POU2F2: variants seen among roughly 807,000 people sequenced by gnomAD.
POU2F2 encodes POU domain, class 2, transcription factor 2.
Under a neutral mutation model 63.5 loss-of-function variants are expected in POU2F2, and 14 were observed. The ratio of observed to expected loss-of-function variants is 0.22; its 90% confidence interval spans 0.15 to 0.34. The LOEUF is 0.34. Ranked by LOEUF, POU2F2 falls within the 10% of genes least tolerant of loss-of-function variation. The pLI is 1.00. For synonymous variants in POU2F2, 306 were observed against 348.6 expected (o/e 0.88, Z 1.36); for missense variants, 607 against 815.2 (o/e 0.74, Z 3.11).
chr19:42,089,124 C>A lies in POU2F2; in HGVS notation c.*2133G>T, dbSNP rs73932872. The A allele has an allele frequency of 6.5e-6, 1 of 152,694 alleles. No individual in the cohort carries two copies. Among genetic ancestry groups the A allele is most frequent in the African/African-American group, 2.4e-5 (1 of 41,462 alleles). The allele number at this position is 152,694 out of a possible 1,614,324, so 9.5% of individuals were successfully genotyped here. ...GGGGCCACACTACGGCTGTCAGGCC[C>A]CACCCTGATTTCAATGGCTCGTGTC... On this transcript the variant is annotated 3_prime_UTR_variant, in exon 15 of 15. Coordinates refer to ENST00000692977, the MANE Select transcript of POU2F2 (RefSeq NM_001394376.1).
chr19:42,114,012 A>G (rs951939472), intron 5 of POU2F2, among the ~76,000 whole-genome samples: 1 of 152,192 alleles, frequency 6.6e-6, no homozygotes, highest in African/African-American at 2.4e-5. Context: ...AACTTGGCCC[A>G]GCTTTGCACT....
At chr19:42,195,337 T>A (rs1399967167) in intron 1 of POU2F2, among the ~76,000 whole-genome samples, 3 of 143,058 alleles carry the variant, frequency 2.1e-5, no homozygotes, top group African/African-American at 7.8e-5. Context: ...TTTCTTTTTT[T>A]TTTTTTTTTT....
intron 1 of POU2F2, among the ~76,000 whole-genome samples, chr19:42,175,080 T>G (rs1032981207): frequency 3.9e-5 from 6 of 152,110 alleles, no homozygotes; most frequent in Non-Finnish European, 7.4e-5. Context: ...TCCATGTCAT[T>G]TTCTTCTCTG....
At chr19:42,106,460 C>T (rs2030022787) in intron 5 of POU2F2, among the ~76,000 whole-genome samples, 2 of 152,264 alleles carry the variant, frequency 1.3e-5, no homozygotes, top group Non-Finnish European at 2.9e-5. Context: ...TAGTCATCAT[C>T]ACTAGGGACT....
In POU2F2 at chr19:42,158,795, C is replaced by T. The variant is rs148581458; in HGVS notation, c.-9+1537G>A. Among the ~76,000 whole-genome samples, 273 of 152,308 alleles carry T rather than the reference C, an allele frequency of 1.8e-3. 3 individuals carry two copies. The highest frequency in any genetic ancestry group is 6.2e-3 in the African/African-American group (259 of 41,554). ...GAAACATAATTAAACCCCTCTGTTA[C>T]TTCAGCCCAACTTTCAGACGTTCCT... On this transcript the variant is annotated intron_variant, in intron 2 of 6. Coordinates refer to the POU2F2 transcript ENST00000524801.
chr19:42,096,612 G>T lies in POU2F2; in HGVS notation c.568-369C>A, dbSNP rs1342593885. Among the ~76,000 whole-genome samples the T allele has an allele frequency of 1.3e-5, 2 of 152,214 alleles. No individual in the cohort carries two copies. Among genetic ancestry groups the T allele is most frequent in the African/African-American group, 4.8e-5 (2 of 41,466 alleles). ...AACCTGGGAATCAGGGACTGGCCCT[G>T]CCACCAAATCACTGCTTAGCCCAGG... On this transcript the variant is annotated intron_variant, in intron 7 of 14. Transcript: ENST00000692977. This position sits in a 1 kb window ranked among gnomAD's most constrained non-coding sequence, Gnocchi z 4.1.
chr19:42,185,577 C>G (rs2035004074), intron 1 of POU2F2, among the ~76,000 whole-genome samples: 1 of 152,170 alleles, frequency 6.6e-6, no homozygotes, highest in African/African-American at 2.4e-5. Context: ...ACCTCTTGGC[C>G]TTTGTACTTG....
chr19:42,140,096 T>C (rs923505152), intron 2 of POU2F2, among the ~76,000 whole-genome samples: 1 of 152,180 alleles, frequency 6.6e-6, no homozygotes, highest in African/African-American at 2.4e-5. Context: ...AGGAACAGGG[T>C]CCCTTGGCAT....
chr19:42,156,787 C>G lies in POU2F2; in HGVS notation c.-9+3545G>C, dbSNP rs958757372. 1 of 152,270 alleles carries G rather than the reference C, an allele frequency of 6.6e-6. No individual in the cohort carries two copies. The highest frequency in any genetic ancestry group is 3.1e-3 in the Middle Eastern group (1 of 320). 9.4% of individuals were successfully genotyped at this position (152,270 alleles called of 1,614,324 possible). ...CCCCCCGCCATACCTACACTCTTGG[C>G]CATGGGAGAATGTCCTCATGTGCGG... is the stretch of plus-strand genomic sequence containing the variant. On this transcript the variant is annotated intron_variant, in intron 2 of 6. Transcript: ENST00000524801. This position sits in a 1 kb window ranked among gnomAD's most constrained non-coding sequence, Gnocchi z 4.1.
intron 1 of POU2F2, among the ~76,000 whole-genome samples, chr19:42,190,435 A>C (rs887811368): frequency 7.2e-5 from 11 of 152,106 alleles, no homozygotes; most frequent in African/African-American, 2.4e-4. Flanking sequence ...GGTAAGTGAG[A>C]GAGGGGGCTG....
chr19:42,115,176 G>A (rs1220410731), intron 5 of POU2F2, among the ~76,000 whole-genome samples: 1 of 152,098 alleles, frequency 6.6e-6, no homozygotes, highest in African/African-American at 2.4e-5. Context: ...ATCTACAAGA[G>A]CCATCACGGA....
chr19:42,136,580 A>G (rs1344782551), upstream of POU2F2: 1 of 152,208 alleles, frequency 6.6e-6, no homozygotes, highest in East Asian at 1.9e-4. Flanking sequence ...TTACTAACAA[A>G]TTGAGCCTCA....
chr19:42,095,644 G>C lies in POU2F2; in HGVS notation c.921C>G (p.Ser307Arg). The C allele has an allele frequency of 6.2e-7, 1 of 1,613,074 alleles. No individual in the cohort carries two copies. Among genetic ancestry groups the C allele is most frequent in the Non-Finnish European group, 8.5e-7 (1 of 1,179,854 alleles). The change falls in exon 10 of 15, where the codon AGC becomes AGG. Residue 307 changes from serine to arginine, a missense_variant. Physicochemically the swap from Ser to Arg is moderately radical, Grantham distance 110. Coordinates refer to ENST00000692977, the MANE Select transcript of POU2F2 (RefSeq NM_001394376.1). The surrounding 1 kb of genome is among the most constrained non-coding windows in gnomAD (Gnocchi z 7.1). ...SSLPSPNQLSSPSLGFDGLPG... is the reference protein window; with the variant it reads ...SSLPSPNQLSRPSLGFDGLPG... ...GCAGGCCGTCGAAACCCAGGCTGGG[G>C]CTGCTCAGCTGGTTGGGGCTGGGCA...
intron 5 of POU2F2, chr19:42,110,883 T>G (rs2030977633): frequency 5.5e-6 from 2 of 361,942 alleles, no homozygotes; most frequent in Admixed American, 6.1e-5. Flanking sequence ...CTCAGTTTTC[T>G]TATCTGTAAA....
In POU2F2 at chr19:42,095,413, T is replaced by C; in HGVS notation, c.1070A>G (p.His357Arg). The C allele has an allele frequency of 6.2e-7, 1 of 1,613,876 alleles. No homozygotes were observed. The highest frequency in any genetic ancestry group is 1.3e-5 in the African/African-American group (1 of 75,038). The change falls in exon 11 of 15, where the codon CAC (histidine) becomes CGC (arginine). Residue 357 changes from histidine (H) to arginine (R), a missense_variant. Coordinates refer to ENST00000692977, the MANE Select transcript of POU2F2 (RefSeq NM_001394376.1). This position sits in a 1 kb window ranked among gnomAD's most constrained non-coding sequence, Gnocchi z 7.1. ...EEILLIAEQLHMEKEVIRVWF... is the reference protein window; with the variant it reads ...EEILLIAEQLRMEKEVIRVWF... ...GACGCGGATCACTTCCTTCTCCATG[T>C]GCAGCTGCTCGGCGATCAGCAGGAT...
In POU2F2 at chr19:42,088,287, G is replaced by A. The variant is rs1177169758; in HGVS notation, c.*2970C>T. 1 of 151,858 alleles carries A rather than the reference G, an allele frequency of 6.6e-6. No homozygotes were observed. Among genetic ancestry groups the A allele is most frequent in the African/African-American group, 2.4e-5 (1 of 41,306 alleles). The allele number at this position is 151,858 out of a possible 1,614,324, so 9.4% of individuals were successfully genotyped here. A position where few individuals can be genotyped will look rare whatever the true frequency, so the allele number is the denominator to read the frequency against. ...TTCTTGTTTTTCTTTTCCTAGGTGT[G>A]AGGGTTGGATGGGGAGGGTCCCCAG... On this transcript the variant is annotated 3_prime_UTR_variant, in exon 15 of 15. Coordinates refer to ENST00000692977, the MANE Select transcript of POU2F2 (RefSeq NM_001394376.1).
In POU2F2 at chr19:42,093,915, G is replaced by A. The variant is rs369280339; in HGVS notation, c.1198-20C>T. On this transcript the variant is annotated intron_variant, in intron 11 of 14. Transcript: ENST00000692977. Reference sequence around the variant, plus strand: ...TGTGACCTGAGGAGAGAAGAAAGGAGGTGTGGTTAGCCACTGTCTGCCAGC... The same window carrying A: ...TGTGACCTGAGGAGAGAAGAAAGGAAGTGTGGTTAGCCACTGTCTGCCAGC... 68 of 1,600,556 alleles carry A rather than the reference G, an allele frequency of 4.2e-5. No homozygotes were observed. The highest frequency in any genetic ancestry group is 5.6e-5 in the Non-Finnish European group (65 of 1,169,712).
intron 1 of POU2F2, among the ~76,000 whole-genome samples, chr19:42,181,081 A>G (rs1055243538): frequency 1.3e-5 from 2 of 152,202 alleles, no homozygotes; most frequent in African/African-American, 4.8e-5. Context: ...CAGAATATCC[A>G]TATTAAGCAG....
Position 42,117,920 on chromosome 19 carries a change from G to T in POU2F2, c.187-488C>A, listed in dbSNP as rs1166348100. On this transcript the variant is annotated intron_variant, in intron 4 of 14. Transcript: ENST00000692977. This position sits in a 1 kb window ranked among gnomAD's most constrained non-coding sequence, Gnocchi z 4.4. ...TATCACACAGAGGTACATCTCTCTTGCTTTTTTTTTCTTTTTGTTTTTGAG... is the reference window on the plus strand; with the variant it reads ...TATCACACAGAGGTACATCTCTCTTTCTTTTTTTTTCTTTTTGTTTTTGAG... 6.6e-6 allele frequency among the ~76,000 whole-genome samples: 1 copy of T among 151,824 alleles called. No homozygotes were observed. The highest frequency in any genetic ancestry group is 1.5e-5 in the Non-Finnish European group (1 of 67,968).
Sources: gnomAD v4.1 joint callset for allele counts (sites outside exome capture counted in the v4.1 genomes callset) on GRCh38, gnomAD v4.1.1 for gene constraint, Gnocchi (gnomAD v3.1) non-coding constraint, MANE v1.5 for transcripts, NCBI Gene and HGNC (gene_info 2026-07-23, HGNC 2026-07-21) for gene names.